The following RASSF3 variants were observed in gnomAD, a reference collection of about 807,000 sequenced individuals.
RASSF3 encodes ras association domain-containing protein 3.
In RASSF3, 19 loss-of-function variants were observed where a neutral mutation model predicts 19.9. The ratio of observed to expected loss-of-function variants is 0.96; its 90% confidence interval spans 0.67 to 1.40. RASSF3 has a LOEUF of 1.40. Among genes scored for constraint, RASSF3 ranks in the 40% most tolerant of loss-of-function variants. RASSF3 has a pLI of 0.00. For synonymous variants in RASSF3, 110 were observed against 104.2 expected, an observed-to-expected ratio of 1.06 and a Z score of -0.34; for missense variants, 306 against 289.8, an observed-to-expected ratio of 1.06 and a Z score of -0.41.
At chr12:64,648,246 T>C (rs1871809312) in intron 1 of RASSF3, among the ~76,000 whole-genome samples, 1 of 152,228 alleles carries the variant, frequency 6.6e-6, no homozygotes, top group Non-Finnish European at 1.5e-5. Context: ...ATGTCAGGCC[T>C]TGTGGCCTTT....
rs1396004900 is a variant in RASSF3, at chr12:64,691,580, G to T, written c.567+1G>T. The T allele has an allele frequency of 6.5e-7, 1 of 1,540,576 alleles. No homozygotes were observed. The highest frequency in any genetic ancestry group is 1.8e-5 in the Admixed American group (1 of 55,754). The stretch of plus-strand genomic sequence containing the variant: ...TCTTCGTGAACATGAAATTGGAGAG[G>T]TAAGTTATTGTTCACTATTGCTTTA... On this transcript the variant is annotated splice_donor_variant, in intron 4 of 4. Transcript: ENST00000542104. LOFTEE classifies it high-confidence loss of function.
At chr12:64,552,893 C>T (rs375769282) in intron 2 of RASSF3, among the ~76,000 whole-genome samples, 62 of 151,978 alleles carry the variant, frequency 4.1e-4, no homozygotes, top group Admixed American at 8.5e-4. Context: ...CTCTGCTCAC[C>T]GGCCTCCGTC....
At position 64,555,656 on chromosome 12, in the gene RASSF3, G is replaced by A. The variant is rs1869244213; in HGVS notation, c.294+13951G>A. On this transcript the variant is annotated intron_variant, in intron 2 of 5. Transcript: ENST00000637125. ...CCCAGCTACTCGGGAGGCTGAGGCA[G>A]GAGAATGGTGTAAAGCCAGGAGGCG... is the stretch of plus-strand genomic sequence containing the variant. Among the ~76,000 whole-genome samples the A allele has an allele frequency of 2.0e-5, 3 of 152,030 alleles. No individual in the cohort carries two copies. The South Asian group carries it at 6.2e-4, about 32-fold the overall frequency.
intron 1 of RASSF3, among the ~76,000 whole-genome samples, chr12:64,523,678 G>A (rs1241580978): frequency 6.6e-6 from 1 of 152,054 alleles, no homozygotes; most frequent in Non-Finnish European, 1.5e-5. Context: ...AAAAATGCAA[G>A]AGGAACAAAT....
chr12:64,626,362 C>G lies in RASSF3; in HGVS notation c.111+15619C>G, dbSNP rs1251624333. 2.0e-5 allele frequency among the ~76,000 whole-genome samples: 3 copies of G among 151,742 alleles called. No individual in the cohort carries two copies. The East Asian group carries it at 5.8e-4, about 29-fold the overall frequency. ...CCAACCTGGGCCAACATGGTGAAAC[C>G]CTGTCTTTACTAAAAATACAAAAAT... On this transcript the variant is annotated intron_variant, in intron 1 of 4. Transcript: ENST00000542104.
chr12:64,687,414 A>G (rs1184179892), intron 2 of RASSF3, among the ~76,000 whole-genome samples: 1 of 152,070 alleles, frequency 6.6e-6, no homozygotes, highest in Non-Finnish European at 1.5e-5. Flanking sequence ...GTTGTTTTTA[A>G]GATCTGTACT....
chr12:64,674,183 A>G (rs1329974193), intron 1 of RASSF3, among the ~76,000 whole-genome samples: 2 of 152,234 alleles, frequency 1.3e-5, no homozygotes, highest in Non-Finnish European at 2.9e-5. Context: ...ACAGAAGTAC[A>G]TCAAACTTTG....
chr12:64,635,699 C>T (rs1381763901), intron 1 of RASSF3, among the ~76,000 whole-genome samples: 1 of 152,018 alleles, frequency 6.6e-6, no homozygotes, highest in South Asian at 2.1e-4. Flanking sequence ...TTTTAAAAAG[C>T]GGTAAGAAGA....
In RASSF3 at chr12:64,574,068, C is replaced by A. The variant is rs531938871; in HGVS notation, c.294+32363C>A. On this transcript the variant is annotated intron_variant, in intron 2 of 5. Transcript: ENST00000637125. ...CTGTAATCCTAGCAGTTTGGGAGGCCGAGGTGGGCGGATCACTTGAGGTCA... is the reference window on the plus strand; with the variant it reads ...CTGTAATCCTAGCAGTTTGGGAGGCAGAGGTGGGCGGATCACTTGAGGTCA... Among the ~76,000 whole-genome samples, 6 of 151,814 alleles carry A rather than the reference C, an allele frequency of 4.0e-5. No homozygotes were observed. The South Asian group carries it at 1.2e-3, about 32-fold the overall frequency.
chr12:64,579,809 GT>G (rs34306092), intron 2 of RASSF3, among the ~76,000 whole-genome samples: 7,440 of 137,224 alleles, frequency 0.054, 564 homozygotes, highest in African/African-American at 0.18. Context: ...GTTTTTTTGG[GT>G]TTTTTTTTTT....
chr12:64,622,828 T>C (rs1870831964), intron 1 of RASSF3, among the ~76,000 whole-genome samples: 2 of 144,738 alleles, frequency 1.4e-5, no homozygotes, highest in South Asian at 4.3e-4. Context: ...TTTTTCTTTC[T>C]TTTTTTTTTT....
At chr12:64,622,261 C>T (rs12315623) in intron 1 of RASSF3, among the ~76,000 whole-genome samples, 109 of 150,202 alleles carry the variant, frequency 7.3e-4, no homozygotes, top group African/African-American at 2.6e-3. Flanking sequence ...AGGGTTTCAC[C>T]ATGTTGGTCA....
intron 1 of RASSF3, chr12:64,622,420 T>A (rs1044485094): frequency 1.9e-6 from 1 of 516,674 alleles, no homozygotes; most frequent in Admixed American, 2.1e-5. Flanking sequence ...GACAAACTGC[T>A]GGAAACCTTA....
downstream of RASSF3, among the ~76,000 whole-genome samples, chr12:64,546,076 A>C (rs1869047947): frequency 7.5e-6 from 1 of 133,264 alleles, no homozygotes; most frequent in South Asian, 2.6e-4. Flanking sequence ...AGCCTCCGCG[A>C]CAGAGCAAGA....
intron 1 of RASSF3, among the ~76,000 whole-genome samples, chr12:64,640,854 C>CT (rs1272942433): frequency 7.9e-5 from 12 of 151,994 alleles, no homozygotes; most frequent in Non-Finnish European, 1.5e-5. Context: ...GTTGCTCAGG[C>CT]TGGTCTCGAA....
intron 2 of RASSF3, among the ~76,000 whole-genome samples, chr12:64,583,745 C>T (rs991220283): frequency 1.3e-5 from 2 of 152,212 alleles, no homozygotes; most frequent in South Asian, 4.1e-4. Flanking sequence ...ACAATCCTTA[C>T]TGTATTCAAC....
At chr12:64,632,034 G>A (rs575123908) in intron 1 of RASSF3, among the ~76,000 whole-genome samples, 16 of 152,148 alleles carry the variant, frequency 1.1e-4, no homozygotes, top group Non-Finnish European at 2.1e-4. Context: ...CTCTCCCATC[G>A]TTGAGTGGAG....
At chr12:64,676,856 T>G (rs1872925945) in intron 1 of RASSF3, among the ~76,000 whole-genome samples, 1 of 149,868 alleles carries the variant, frequency 6.7e-6, no homozygotes, top group South Asian at 2.1e-4. Context: ...GTAACCTCCA[T>G]CTCCTGGGCT....
intron 1 of RASSF3, among the ~76,000 whole-genome samples, chr12:64,615,384 A>G (rs1010572362): frequency 7.9e-5 from 12 of 152,192 alleles, no homozygotes; most frequent in African/African-American, 2.7e-4. Context: ...GAGAAACGTG[A>G]AATTGTCTTC....
Sources: gnomAD v4.1 joint callset for allele counts (sites outside exome capture counted in the v4.1 genomes callset) on GRCh38, gnomAD v4.1.1 for gene constraint, MANE v1.5 for transcripts, NCBI Gene and HGNC (gene_info 2026-07-23, HGNC 2026-07-21) for gene names.